Variants in FBRS observed in about 807,000 individuals in gnomAD.
FBRS encodes the protein fibrosin, also known as probable fibrosin-1.
In FBRS, 15 loss-of-function variants were observed where a neutral mutation model predicts 86.1. The observed-to-expected ratio is 0.17, with a 90% confidence interval of 0.12 to 0.27. FBRS has a LOEUF of 0.27. FBRS is among the 10% of genes least tolerant of loss of function. FBRS has a pLI of 1.00. For missense variants in FBRS, 1,367 were observed against 1,301.6 expected (o/e 1.05, Z -0.77); for synonymous variants, 666 against 575.8 (o/e 1.16, Z -2.24).
chr16:30,661,980 G>C (rs2052468087), intron 4 of FBRS: 2 of 196,514 alleles, frequency 1.0e-5, no homozygotes, highest in South Asian at 8.7e-5. Flanking sequence ...TTGTTGCTAC[G>C]AGAACAGGGG....
At position 30,669,596 on chromosome 16, in the gene FBRS, G is replaced by A. The variant is rs767972326; in HGVS notation, c.2894G>A (p.Arg965Gln). ...GAPPPLVPAP[R>Q]PSSPPRGPGP... is the part of the protein sequence containing the mutation. Reference sequence around the variant, plus strand: ...CCACCTCCGCTTGTGCCCGCCCCCCGGCCCAGTTCCCCACCTAGGGGCCCT... The same window carrying A: ...CCACCTCCGCTTGTGCCCGCCCCCCAGCCCAGTTCCCCACCTAGGGGCCCT... The change falls in exon 18 of 18, where the codon CGG (arginine) becomes CAG (glutamine). Residue 965 changes from arginine to glutamine, a missense_variant. Physicochemically the swap from Arg to Gln is conservative, Grantham distance 43. Transcript: ENST00000356166. The surrounding 1 kb of genome is among the most constrained non-coding windows in gnomAD (Gnocchi z 5.9). 64 of 1,610,246 alleles carry A rather than the reference G, an allele frequency of 4.0e-5. No individual in the cohort carries two copies. Among genetic ancestry groups the A allele is most frequent in the Non-Finnish European group, 5.0e-5 (59 of 1,179,352 alleles).
At position 30,669,816 on chromosome 16, in the gene FBRS, C is replaced by T. The variant is rs1341904163; in HGVS notation, c.*171C>T. 3.6e-6 allele frequency: 3 copies of T among 840,908 alleles called. No individual in the cohort carries two copies. The highest frequency in any genetic ancestry group is 5.4e-6 in the Non-Finnish European group (3 of 557,444). 52.1% of individuals were successfully genotyped at this position (840,908 alleles called of 1,614,324 possible). A position where few individuals can be genotyped will look rare whatever the true frequency, so the allele number is the denominator to read the frequency against. Reference sequence around the variant, plus strand: ...TCAACCCCCACAAGACCAAGCATCACATGGAGTGTAGGGTCACTGGGAGAG... The same window carrying T: ...TCAACCCCCACAAGACCAAGCATCATATGGAGTGTAGGGTCACTGGGAGAG... On this transcript the variant is annotated 3_prime_UTR_variant, in exon 18 of 18. Transcript: ENST00000356166. This position sits in a 1 kb window ranked among gnomAD's most constrained non-coding sequence, Gnocchi z 5.9.
At position 30,669,304 on chromosome 16, in the gene FBRS, C is replaced by T. The variant is rs1186565987; in HGVS notation, c.2602C>T (p.Leu868=). 1 of 1,602,568 alleles carries T rather than the reference C, an allele frequency of 6.2e-7. No individual in the cohort carries two copies. ...LFERPRPPPF[L]GPSPPDRCAG... ...TGAGAGGCCCCGGCCGCCCCCGTTT[C>T]TGGGCCCTAGCCCACCAGATCGCTG... The change falls in exon 18 of 18, where the codon CTG becomes TTG. Residue 868 remains leucine, a synonymous_variant. Transcript: ENST00000356166. This position sits in a 1 kb window ranked among gnomAD's most constrained non-coding sequence, Gnocchi z 5.9.
chr16:30,664,785 G>A lies in FBRS; in HGVS notation c.1428G>A (p.Gly476=). 1.3e-6 allele frequency: 2 copies of A among 1,553,414 alleles called. No homozygotes were observed. The highest frequency in any genetic ancestry group is 2.4e-5 in the East Asian group (1 of 40,962). Residue 476 remains glycine (G), a synonymous_variant, in exon 8 of 18, where the codon GGG becomes GGA. Transcript: ENST00000356166. ...LNAQGGPEVV[G]AGGSARPLAF... ...CCCAGGGTGGCCCTGAGGTGGTGGG[G>A]GCAGGGGGCTCGGCCCGGCCCCTGG...
chr16:30,666,310 C>T, intron 11 of FBRS: 2 of 654,908 alleles, frequency 3.1e-6, no homozygotes, highest in Non-Finnish European at 5.2e-6. Context: ...CTCCCTGGGG[C>T]TTGGTTCAGA....
At chr16:30,667,758 A>C in intron 15 of FBRS, 136 bp downstream of exon 15, 1 of 686,134 alleles carries the variant, frequency 1.5e-6, no homozygotes, top group Non-Finnish European at 2.2e-6. Context: ...AGGTTACTCT[A>C]CCCCCTCTGA....
chr16:30,663,013 A>G (rs953207646), intron 6 of FBRS, 154 bp downstream of exon 6: 5 of 1,259,520 alleles, frequency 4.0e-6, no homozygotes, highest in African/African-American at 1.5e-5. Context: ...TGCAGGACTT[A>G]TTTGAGTCCG....
chr16:30,668,279 A>G, intron 15 of FBRS: 2 of 432,204 alleles, frequency 4.6e-6, no homozygotes, highest in Non-Finnish European at 8.4e-6. Context: ...CTCCCTGGCT[A>G]GATGACCACC....
At position 30,668,930 on chromosome 16, in the gene FBRS, C is replaced by A; in HGVS notation, c.2317C>A (p.Arg773=). 1 of 1,590,724 alleles carries A rather than the reference C, an allele frequency of 6.3e-7. No individual in the cohort carries two copies. The highest frequency in any genetic ancestry group is 1.3e-5 in the African/African-American group (1 of 74,704). ...AARTPGSDKE[R]PVERREPSIT... ...CCGGACTCCAGGCTCAGACAAGGAG[C>A]GGCCTGTGGAGCGGAGGGAGCCCTC... is the stretch of plus-strand genomic sequence containing the variant. Residue 773 remains arginine, a synonymous_variant, in exon 17 of 18, where the codon CGG becomes AGG. Transcript: ENST00000356166.
Position 30,664,828 on chromosome 16 carries a change from C to T in FBRS, c.1471C>T (p.His491Tyr). The stretch of plus-strand genomic sequence containing the variant: ...GCCCCTGGCCTTCCAGTTCCACCAG[C>T]ACAACCACCAGCACCAGCACACCCA... ...ARPLAFQFHQ[H>Y]NHQHQHTHQH... is the part of the protein sequence containing the mutation. The change falls in exon 8 of 18, where the codon CAC (histidine) becomes TAC (tyrosine). Residue 491 changes from histidine to tyrosine, a missense_variant. Coordinates refer to ENST00000356166, the MANE Select transcript of FBRS (RefSeq NM_001105079.3). The T allele has an allele frequency of 6.4e-7, 1 of 1,566,812 alleles. No homozygotes were observed. The highest frequency in any genetic ancestry group is 8.7e-7 in the Non-Finnish European group (1 of 1,155,574).
rs2052432371 is a variant in FBRS at position 30,659,762 on chromosome 16, C to T, written c.244C>T (p.Arg82Trp). Residue 82 changes from arginine to tryptophan, a missense_variant, in exon 1 of 18, where the codon CGG becomes TGG. Transcript: ENST00000356166. Reference sequence around the variant, plus strand: ...AGAGCGGCCTGGGGGCCCGAGACGCCGGCGGCCCCGTCCGAGACCTCGACC... The same window carrying T: ...AGAGCGGCCTGGGGGCCCGAGACGCTGGCGGCCCCGTCCGAGACCTCGACC... ...SGERPGGPRR[R>W]RPRPRPRPPR... 1 of 1,431,796 alleles carries T rather than the reference C, an allele frequency of 7.0e-7. No individual in the cohort carries two copies. Among genetic ancestry groups the T allele is most frequent in the Non-Finnish European group, 9.3e-7 (1 of 1,078,986 alleles). The allele number at this position is 1,431,796 out of a possible 1,614,324, so 88.7% of individuals were successfully genotyped here.
rs1331266113 is a variant in FBRS, at chr16:30,659,402, G to A, written c.-117G>A. The A allele has an allele frequency of 5.0e-6, 1 of 200,528 alleles. No homozygotes were observed. Among genetic ancestry groups the A allele is most frequent in the African/African-American group, 2.4e-5 (1 of 42,342 alleles). 12.4% of individuals were successfully genotyped at this position (200,528 alleles called of 1,614,324 possible). ...GGCCAGCAGATCCGGCTTTAAAGGA[G>A]AAGCCGTGGCCCTCTCGTCACTGTG... is the stretch of plus-strand genomic sequence containing the variant. On this transcript the variant is annotated 5_prime_UTR_variant, in exon 1 of 18. Transcript: ENST00000356166.
chr16:30,669,082 T>C lies in FBRS; in HGVS notation c.2380T>C (p.Ser794Pro), dbSNP rs139099586. The C allele has an allele frequency of 2.5e-6, 4 of 1,596,296 alleles. No homozygotes were observed. The highest frequency in any genetic ancestry group is 3.4e-6 in the Non-Finnish European group (4 of 1,172,504). The part of the protein sequence containing the change: ...KEEKDRDLPF[S>P]RPQLRVSPAT... ...CCTGCCCTCCAGGGACCTCCCCTTC[T>C]CACGGCCCCAGCTCCGAGTTTCTCC... Residue 794 changes from serine to proline, a missense_variant, in exon 18 of 18, where the codon TCA becomes CCA. Physicochemically the swap from Ser to Pro is moderately conservative, Grantham distance 74. Transcript: ENST00000356166. The surrounding 1 kb of genome is among the most constrained non-coding windows in gnomAD (Gnocchi z 5.9).
In FBRS at chr16:30,665,765, A is replaced by G; in HGVS notation, c.1773+59A>G. On this transcript the variant is annotated intron_variant, in intron 11 of 17. Transcript: ENST00000356166. This position sits in a 1 kb window ranked among gnomAD's most constrained non-coding sequence, Gnocchi z 4.1. ...GAAGGTGTGTTGCGGGGAGAACAGA[A>G]CTGACTTGAGGAGAGTGAACTGCTG... 6.6e-7 allele frequency: 1 copy of G among 1,508,570 alleles called. No individual in the cohort carries two copies. Among genetic ancestry groups the G allele is most frequent in the Non-Finnish European group, 9.0e-7 (1 of 1,108,936 alleles). 93.4% of individuals were successfully genotyped at this position (1,508,570 alleles called of 1,614,324 possible). A position where few individuals can be genotyped will look rare whatever the true frequency, so the allele number is the denominator to read the frequency against.
At chr16:30,663,713 C>CT (rs1219228040) in intron 6 of FBRS, among the ~76,000 whole-genome samples, 1 of 152,100 alleles carries the variant, frequency 6.6e-6, no homozygotes, top group Non-Finnish European at 1.5e-5. Context: ...TATTGATGCT[C>CT]TATTTTGTCA....
Position 30,665,007 on chromosome 16 carries a change from C to T in FBRS, c.1564-28C>T. 6.2e-7 allele frequency: 1 copy of T among 1,612,024 alleles called. No individual in the cohort carries two copies. Among genetic ancestry groups the T allele is most frequent in the Non-Finnish European group, 8.5e-7 (1 of 1,178,940 alleles). On this transcript the variant is annotated intron_variant, in intron 8 of 17. Coordinates refer to ENST00000356166, the MANE Select transcript of FBRS (RefSeq NM_001105079.3). This position sits in a 1 kb window ranked among gnomAD's most constrained non-coding sequence, Gnocchi z 4.1. ...GGGGAAGGCCCGGGTCCCTGGCTGG[C>T]AGCTTACTCTTCCCTTCTCTTCCCT... is the stretch of plus-strand genomic sequence containing the variant.
At chr16:30,660,042 C>T (rs960938530) in intron 1 of FBRS, 65 bp downstream of exon 1, 34 of 1,515,844 alleles carry the variant, frequency 2.2e-5, no homozygotes, top group African/African-American at 5.6e-5. Context: ...GGGGCAGTGC[C>T]CCTAGTGGGT....
rs1452199546 is a variant in FBRS at position 30,670,737 on chromosome 16, CTT to C, written c.*1097_*1098del. 6.4e-6 allele frequency: 1 copy of C among 155,134 alleles called. No individual in the cohort carries two copies. The highest frequency in any genetic ancestry group is 1.4e-5 in the Non-Finnish European group (1 of 68,996). 9.6% of individuals were successfully genotyped at this position (155,134 alleles called of 1,614,324 possible). A position where few individuals can be genotyped will look rare whatever the true frequency, so the allele number is the denominator to read the frequency against. ...CAATCTAACAAAACCCTAACGTTGA[CTT>C]TTTTCCCTGGTGGGGCTTCTTCTGT... On this transcript the variant is annotated 3_prime_UTR_variant, in exon 18 of 18. Transcript: ENST00000356166.
Position 30,664,704 on chromosome 16 carries a change from C to G in FBRS, c.1358-11C>G. The G allele has an allele frequency of 1.3e-6, 2 of 1,509,080 alleles. No individual in the cohort carries two copies. Among genetic ancestry groups the G allele is most frequent in the Non-Finnish European group, 1.8e-6 (2 of 1,123,870 alleles). 93.5% of individuals were successfully genotyped at this position (1,509,080 alleles called of 1,614,324 possible). ...GACAGCATTAAAGCCTTCTCCCGTC[C>G]CCTCCCACAGAGCAGGACCTGATCG... On this transcript the variant is annotated splice_polypyrimidine_tract_variant and intron_variant, in intron 7 of 17. Transcript: ENST00000356166.
Sources: allele counts gnomAD v4.1 joint callset (sites outside exome capture counted in the v4.1 genomes callset), GRCh38; gene constraint gnomAD v4.1.1; non-coding constraint Gnocchi (gnomAD v3.1); transcripts MANE v1.5; gene names NCBI Gene and HGNC (gene_info 2026-07-23, HGNC 2026-07-21).